The following GLB1 variants were observed in gnomAD, a reference collection of about 807,000 sequenced individuals.
The protein encoded by GLB1 is galactosidase beta 1, also known as beta-galactosidase.
A neutral mutation model predicts 74.0 loss-of-function variants in GLB1; 56 were observed. That is an observed-to-expected ratio of 0.76 (90% CI 0.61 to 0.94). The LOEUF is 0.94. Among genes scored for constraint, GLB1 ranks in the 40% least tolerant of loss-of-function variants. The pLI, the probability that GLB1 is intolerant of heterozygous loss-of-function variation, is 0.00. For missense variants in GLB1, 787 were observed against 845.5 expected, an observed-to-expected ratio of 0.93 and a Z score of 0.86; for synonymous variants, 323 against 323.6, an observed-to-expected ratio of 1.00 and a Z score of 0.02.
At chr3:33,004,843 C>A (rs372909834) in intron 15 of GLB1, among the ~76,000 whole-genome samples, 1 of 152,154 alleles carries the variant, frequency 6.6e-6, no homozygotes, top group South Asian at 2.1e-4. Flanking sequence ...ACCTATCAGG[C>A]TGGAGGTGCC....
At chr3:32,984,786 A>T in the GLB1 span, among the ~76,000 whole-genome samples, 1 of 151,880 alleles carries the variant, frequency 6.6e-6, no homozygotes, top group African/African-American at 2.4e-5. Context: ...TACTAAAAAT[A>T]CAAAATTTAG....
chr3:33,077,149 G>A (rs1469226123), intron 1 of GLB1: 10 of 1,443,166 alleles, frequency 6.9e-6, no homozygotes, highest in Middle Eastern at 1.8e-4. Context: ...GTGCTCATTC[G>A]GTGCAGTCTT....
At chr3:33,094,351 T>C in intron 1 of GLB1, 1 of 1,403,526 alleles carries the variant, frequency 7.1e-7, no homozygotes, top group South Asian at 1.9e-5. Flanking sequence ...AGAGTGTCCT[T>C]GTACCCATTC....
At chr3:33,096,781 G>A (rs977990223) in intron 1 of GLB1, 497 of 1,335,530 alleles carry the variant, frequency 3.7e-4, no homozygotes, top group Non-Finnish European at 4.3e-4. Flanking sequence ...GGCCGGAGCG[G>A]AACGCACAAG....
intron 10 of GLB1, among the ~76,000 whole-genome samples, chr3:33,026,000 G>C (rs79972107): frequency 6.6e-6 from 1 of 152,076 alleles, no homozygotes; most frequent in African/African-American, 2.4e-5. Context: ...CGAGTCACCC[G>C]CTGGTGGGGG....
the GLB1 span, among the ~76,000 whole-genome samples, chr3:32,982,131 T>G: frequency 2.6e-5 from 4 of 152,016 alleles, no homozygotes; most frequent in Admixed American, 2.6e-4. Context: ...TTGACCAACA[T>G]GGAGAAACCC....
intron 11 of GLB1, among the ~76,000 whole-genome samples, chr3:33,023,608 A>AG (rs1697600259): frequency 6.6e-6 from 1 of 152,128 alleles, no homozygotes; most frequent in Admixed American, 6.5e-5. Context: ...GGATTATAAA[A>AG]GGGGAAAACC....
At chr3:33,079,187 T>C (rs1381022096) in intron 1 of GLB1, among the ~76,000 whole-genome samples, 1 of 152,152 alleles carries the variant, frequency 6.6e-6, no homozygotes, top group Non-Finnish European at 1.5e-5. Context: ...AGAGTAGAGG[T>C]AGGTATTGCC....
chr3:33,077,095 C>A (rs1399613709), intron 1 of GLB1: 1 of 1,400,208 alleles, frequency 7.1e-7, no homozygotes. Context: ...CTCCCTCACC[C>A]ACTGCTGCCG....
At chr3:33,026,212 T>C (rs77820353) in intron 10 of GLB1, among the ~76,000 whole-genome samples, 7,575 of 152,226 alleles carry the variant, frequency 0.05, 270 homozygotes, top group African/African-American at 0.094. Flanking sequence ...AGGTGTCTGC[T>C]CCCGCTGCCT....
chr3:32,992,046 G>C (rs1230014063), downstream of GLB1, among the ~76,000 whole-genome samples: 1 of 152,256 alleles, frequency 6.6e-6, no homozygotes, highest in East Asian at 1.9e-4. Flanking sequence ...CTTACGTTTT[G>C]AGAACAAGCC....
downstream of GLB1, among the ~76,000 whole-genome samples, chr3:32,993,323 G>A (rs1326186160): frequency 1.3e-5 from 2 of 152,024 alleles, no homozygotes. Context: ...GAAGAGAGAG[G>A]ACAGGAGGGA....
At chr3:33,034,476 G>T (rs903096267) in intron 10 of GLB1, 6 of 731,978 alleles carry the variant, frequency 8.2e-6, no homozygotes, top group Non-Finnish European at 1.5e-5. Context: ...TGGAAGCACA[G>T]TGACTGGGTT....
At chr3:33,058,314 T>C (rs1699305468) in intron 5 of GLB1, 45 bp from the exon 6 acceptor site, 1 of 1,611,774 alleles carries the variant, frequency 6.2e-7, no homozygotes, top group Non-Finnish European at 8.5e-7. Context: ...GATCCTAATG[T>C]AGCCACCCTA....
intron 10 of GLB1, 39 bp downstream of exon 10, chr3:33,046,081 T>G (rs1488476201): frequency 1.2e-6 from 2 of 1,606,130 alleles, no homozygotes. Context: ...AGAGGCTCTG[T>G]CCAAGATCAG....
chr3:33,034,163 G>C lies in GLB1; in HGVS notation c.1069-9838C>G, dbSNP rs1021779669. ...CTGGGAGAAGACCCACGACCCCTCAGGATATGACTCCTCCGTGAACTCTGT... is the reference window on the plus strand; with the variant it reads ...CTGGGAGAAGACCCACGACCCCTCACGATATGACTCCTCCGTGAACTCTGT... On this transcript the variant is annotated intron_variant, in intron 10 of 15. Coordinates refer to ENST00000307363, the MANE Select transcript of GLB1 (RefSeq NM_000404.4). 4.8e-6 allele frequency: 3 copies of C among 630,794 alleles called. No individual in the cohort carries two copies. In the Middle Eastern group the frequency reaches 8.2e-4, roughly 172 times the overall value. The allele number at this position is 630,794 out of a possible 1,614,324, so 39.1% of individuals were successfully genotyped here.
At chr3:33,030,087 T>C (rs1697944270) in intron 10 of GLB1, 1 of 152,218 alleles carries the variant, frequency 6.6e-6, no homozygotes, top group African/African-American at 2.4e-5. Flanking sequence ...GAGGTGTGTC[T>C]TCATTTCCAG....
At chr3:32,961,433 G>A in the GLB1 span, among the ~76,000 whole-genome samples, 1 of 152,204 alleles carries the variant, frequency 6.6e-6, no homozygotes, top group East Asian at 1.9e-4. Context: ...GGTGCAGGAA[G>A]AGAGGTGATC....
At chr3:33,021,763 T>C in intron 11 of GLB1, 108 bp from the exon 12 acceptor site, 1 of 1,192,198 alleles carries the variant, frequency 8.4e-7, no homozygotes, top group Non-Finnish European at 1.2e-6. Flanking sequence ...ACCAAACCCC[T>C]AAATAAACCT....
Sources: gnomAD v4.1 joint callset for allele counts (sites outside exome capture counted in the v4.1 genomes callset) on GRCh38, gnomAD v4.1.1 for gene constraint, MANE v1.5 for transcripts, NCBI Gene and HGNC (gene_info 2026-07-23, HGNC 2026-07-21) for gene names.